Variants in SNTB1 observed in about 807,000 individuals in gnomAD.
SNTB1 encodes the protein beta-1-syntrophin.
In SNTB1, 36 loss-of-function variants were observed where a neutral mutation model predicts 48.9. The observed-to-expected ratio is 0.74, with a 90% CI of 0.56 to 0.97. SNTB1 has a LOEUF of 0.97. Ranked by LOEUF, SNTB1 falls within the 50% of genes least tolerant of loss-of-function variation. SNTB1 has a pLI of 0.00. For synonymous variants in SNTB1, 299 were observed against 294.6 expected (o/e 1.01, Z -0.15); for missense variants, 786 against 703.4 (o/e 1.12, Z -1.33).
rs749909996 is a variant in SNTB1, at chr8:120,693,744, G to A, written c.736C>T (p.Leu246Phe). ...SFHRDRKSIP[L>F]KMCYVTRSMA... Reference sequence around the variant, plus strand: ...CTCCGAGTGACGTAGCACATTTTGAGGGGGATGCTTTTCCGGTCTCTGTGG... The same window carrying A: ...CTCCGAGTGACGTAGCACATTTTGAAGGGGATGCTTTTCCGGTCTCTGTGG... Residue 246 changes from leucine to phenylalanine, a missense_variant, in exon 2 of 7, where the codon CTC becomes TTC. Physicochemically the swap from Leu to Phe is conservative, Grantham distance 22 (BLOSUM62 0). Coordinates refer to ENST00000517992, the MANE Select transcript of SNTB1 (RefSeq NM_021021.4). 6.2e-7 allele frequency: 1 copy of A among 1,613,808 alleles called. No individual in the cohort carries two copies. Among genetic ancestry groups the A allele is most frequent in the Non-Finnish European group, 8.5e-7 (1 of 1,179,878 alleles).
chr8:120,800,820 A>T (rs1050255969), intron 1 of SNTB1, among the ~76,000 whole-genome samples: 2 of 152,082 alleles, frequency 1.3e-5, no homozygotes, highest in African/African-American at 4.8e-5. Flanking sequence ...AAATGGAATG[A>T]TACTGTCATG....
At chr8:120,540,748 GA>G (rs1170260973) in intron 6 of SNTB1, among the ~76,000 whole-genome samples, 1 of 152,210 alleles carries the variant, frequency 6.6e-6, no homozygotes. Context: ...CTCAGAAAGT[GA>G]ATGTCAGCAA....
At chr8:120,576,929 T>A (rs1456715933) in intron 3 of SNTB1, among the ~76,000 whole-genome samples, 3 of 152,180 alleles carry the variant, frequency 2.0e-5, no homozygotes, top group Non-Finnish European at 2.9e-5. Flanking sequence ...ACAGTGTGTG[T>A]AATGTGTTTG....
chr8:120,640,130 C>T (rs1054551932), intron 2 of SNTB1, among the ~76,000 whole-genome samples: 18 of 151,618 alleles, frequency 1.2e-4, no homozygotes, highest in Non-Finnish European at 2.7e-4. Flanking sequence ...ATTTTATTCT[C>T]TTTGAAGCAA....
intron 3 of SNTB1, among the ~76,000 whole-genome samples, chr8:120,601,283 T>C (rs1440193531): frequency 6.6e-6 from 1 of 152,142 alleles, no homozygotes; most frequent in East Asian, 1.9e-4. Flanking sequence ...ATTACATACC[T>C]AAGGATGGTG....
chr8:120,801,196 A>G (rs2130178428), intron 1 of SNTB1, among the ~76,000 whole-genome samples: 1 of 152,194 alleles, frequency 6.6e-6, no homozygotes, highest in East Asian at 1.9e-4. Flanking sequence ...TTTTCATTGC[A>G]GATGAAAGAA....
At chr8:120,679,686 A>G (rs1817896262) in intron 2 of SNTB1, among the ~76,000 whole-genome samples, 1 of 152,216 alleles carries the variant, frequency 6.6e-6, no homozygotes. Context: ...AATTTCTGCA[A>G]CAGCATCCTA....
Position 120,582,598 on chromosome 8 carries a change from T to G in SNTB1, c.997-7373A>C, listed in dbSNP as rs183869687. ...GAATATCAGAAATGAAATGAGTTCA[T>G]GTCCTTTGCAGGGACATGGATGAAG... On this transcript the variant is annotated intron_variant, in intron 3 of 6. Coordinates refer to ENST00000517992, the MANE Select transcript of SNTB1 (RefSeq NM_021021.4). Among the ~76,000 whole-genome samples, 236 of 152,310 alleles carry G rather than the reference T, an allele frequency of 1.5e-3. 1 individual carries two copies. Among genetic ancestry groups the G allele is most frequent in the Admixed American group, 4.6e-3 (71 of 15,300 alleles).
chr8:120,811,134 C>A (rs961066635), intron 1 of SNTB1, 139 bp downstream of exon 1: 1 of 1,206,146 alleles, frequency 8.3e-7, no homozygotes, highest in South Asian at 1.7e-5. Context: ...CCACCCTTCC[C>A]CCCCCCCCAA....
chr8:120,642,243 A>T (rs953270091), intron 2 of SNTB1, among the ~76,000 whole-genome samples: 6 of 152,260 alleles, frequency 3.9e-5, no homozygotes, highest in African/African-American at 1.2e-4. Flanking sequence ...GAAAGAATAC[A>T]AAAGACATAG....
chr8:120,689,081 C>G (rs1818081986), intron 2 of SNTB1, among the ~76,000 whole-genome samples: 1 of 152,220 alleles, frequency 6.6e-6, no homozygotes, highest in Non-Finnish European at 1.5e-5. Flanking sequence ...CTGACAGCCA[C>G]TAGCATTGAC....
chr8:120,608,772 G>A (rs1207529786), intron 3 of SNTB1, among the ~76,000 whole-genome samples: 1 of 152,080 alleles, frequency 6.6e-6, no homozygotes, highest in Non-Finnish European at 1.5e-5. Flanking sequence ...AGAAAGAAAA[G>A]GACTCTTCTG....
intron 3 of SNTB1, among the ~76,000 whole-genome samples, chr8:120,605,104 A>G (rs1321538038): frequency 2.0e-5 from 3 of 152,176 alleles, no homozygotes; most frequent in African/African-American, 7.2e-5. Context: ...TCCTACACCA[A>G]TGTGCCTTTG....
At chr8:120,643,751 A>T (rs1326658985) in intron 2 of SNTB1, among the ~76,000 whole-genome samples, 1 of 152,166 alleles carries the variant, frequency 6.6e-6, no homozygotes, top group Non-Finnish European at 1.5e-5. Context: ...TTTTTCATAT[A>T]ATGACTTCTT....
chr8:120,571,962 T>G (rs550596727), intron 4 of SNTB1, among the ~76,000 whole-genome samples: 1 of 152,162 alleles, frequency 6.6e-6, no homozygotes, highest in Non-Finnish European at 1.5e-5. Context: ...TCTATTCACC[T>G]CTGGAGCCAA....
intron 1 of SNTB1, among the ~76,000 whole-genome samples, chr8:120,803,673 C>T (rs1820272364): frequency 6.6e-6 from 1 of 152,088 alleles, no homozygotes; most frequent in African/African-American, 2.4e-5. Flanking sequence ...CTAAAATGCA[C>T]CACTGAACAT....
intron 1 of SNTB1, among the ~76,000 whole-genome samples, chr8:120,798,350 A>G (rs760856501): frequency 2.0e-5 from 3 of 152,138 alleles, no homozygotes; most frequent in Middle Eastern, 6.8e-3. Context: ...GTGCCTCTCA[A>G]CTGGGGACTT....
chr8:120,755,406 G>A (rs556034678), intron 1 of SNTB1, among the ~76,000 whole-genome samples: 10 of 152,172 alleles, frequency 6.6e-5, no homozygotes, highest in African/African-American at 1.9e-4. Context: ...AGGAGGGTGT[G>A]CCATGGGCTG....
At chr8:120,683,188 A>C (rs1359368206) in intron 2 of SNTB1, among the ~76,000 whole-genome samples, 1 of 152,096 alleles carries the variant, frequency 6.6e-6, no homozygotes, top group African/African-American at 2.4e-5. Context: ...GCCTGTTTTT[A>C]GTTTTAAATT....
Sources: allele counts gnomAD v4.1 joint callset (sites outside exome capture counted in the v4.1 genomes callset), GRCh38; gene constraint gnomAD v4.1.1; transcripts MANE v1.5; gene names NCBI Gene and HGNC (gene_info 2026-07-23, HGNC 2026-07-21).